CNKSR3: variants seen among roughly 807,000 people sequenced by gnomAD.
CNKSR3 encodes the protein CNKSR family member 3.
In CNKSR3, 36 loss-of-function variants were observed where a neutral mutation model predicts 67.7. That is an observed-to-expected ratio of 0.53 (90% CI 0.41 to 0.70). The LOEUF is 0.70. Ranked by LOEUF, CNKSR3 falls within the 30% of genes least tolerant of loss-of-function variation. The pLI is 0.00. For synonymous variants in CNKSR3, 281 were observed against 271.4 expected (o/e 1.04, Z -0.35); for missense variants, 630 against 695.2 (o/e 0.91, Z 1.05).
At chr6:154,496,839 T>C (rs1207022154) in intron 1 of CNKSR3, among the ~76,000 whole-genome samples, 1 of 152,204 alleles carries the variant, frequency 6.6e-6, no homozygotes, top group Non-Finnish European at 1.5e-5. Flanking sequence ...TAAATGTTTT[T>C]CCCTCATCCT....
At chr6:154,452,260 C>T (rs1236960079) in intron 1 of CNKSR3, among the ~76,000 whole-genome samples, 2 of 152,178 alleles carry the variant, frequency 1.3e-5, no homozygotes, top group South Asian at 2.1e-4. Flanking sequence ...GACACAGCCT[C>T]GCTCTTCTGC....
In CNKSR3 at chr6:154,439,258, G is replaced by C. The variant is rs574793053; in HGVS notation, c.507+2034C>G. Among the ~76,000 whole-genome samples the C allele has an allele frequency of 1.1e-4, 16 of 152,284 alleles. 2 individuals are homozygous for C. Among genetic ancestry groups the C allele is most frequent in the South Asian group, 2.1e-4 (1 of 4,820 alleles). On this transcript the variant is annotated intron_variant, in intron 4 of 12. Transcript: ENST00000607772. The stretch of plus-strand genomic sequence containing the variant: ...AGAGACTGTATGCTCCAGAAGGTCA[G>C]GGACTTTTTATCTGTTTATTCACTC...
chr6:154,482,707 G>A (rs1313502100), intron 1 of CNKSR3, among the ~76,000 whole-genome samples: 1 of 152,172 alleles, frequency 6.6e-6, no homozygotes, highest in Non-Finnish European at 1.5e-5. Flanking sequence ...GAAAGGAGAA[G>A]GGTATAGCAT....
Position 154,393,283 on chromosome 6 carries a change from C to T in CNKSR3, c.*13071G>A, listed in dbSNP as rs950464112. The T allele has an allele frequency of 6.6e-6, 1 of 152,180 alleles. No individual in the cohort carries two copies. The highest frequency in any genetic ancestry group is 6.5e-5 in the Admixed American group (1 of 15,276). The allele number at this position is 152,180 out of a possible 1,614,324, so 9.4% of individuals were successfully genotyped here. On this transcript the variant is annotated 3_prime_UTR_variant, in exon 13 of 13. Coordinates refer to ENST00000607772, the MANE Select transcript of CNKSR3 (RefSeq NM_173515.4). ...TGCTGAGTCATAGGGTATGTGAATA[C>T]TCACTGCTAATTTAACCTCATACAC...
Position 154,446,425 on chromosome 6 carries a change from A to T in CNKSR3, c.216+3670T>A, listed in dbSNP as rs879543838. Among the ~76,000 whole-genome samples, 246 of 152,326 alleles carry T rather than the reference A, an allele frequency of 1.6e-3. 1 individual carries two copies. Among genetic ancestry groups the T allele is most frequent in the Non-Finnish European group, 2.9e-3 (197 of 68,026 alleles). The stretch of plus-strand genomic sequence containing the variant: ...AGACAACCTAAGAAATATAGTTCAC[A>T]ATTTTCCTAAGGCATTTTTAAATAA... On this transcript the variant is annotated intron_variant, in intron 2 of 12. Coordinates refer to ENST00000607772, the MANE Select transcript of CNKSR3 (RefSeq NM_173515.4).
chr6:154,429,372 G>A (rs1032254814), intron 6 of CNKSR3, among the ~76,000 whole-genome samples: 6 of 151,986 alleles, frequency 3.9e-5, no homozygotes. Flanking sequence ...ACTTTCACTC[G>A]CAGATTATAT....
At chr6:154,431,042 T>C (rs113786420) in intron 5 of CNKSR3, among the ~76,000 whole-genome samples, 2,919 of 151,724 alleles carry the variant, frequency 0.019, 85 homozygotes, top group African/African-American at 0.066. Flanking sequence ...AAAAAAAAAA[T>C]TGAACAAAAA....
chr6:154,491,676 G>GA (rs545574005), intron 1 of CNKSR3, among the ~76,000 whole-genome samples: 27 of 145,944 alleles, frequency 1.9e-4, no homozygotes, highest in East Asian at 6.0e-4. Context: ...AAAACAATGT[G>GA]AAAAAAAAAA....
chr6:154,478,022 G>T (rs1227037987), intron 1 of CNKSR3, among the ~76,000 whole-genome samples: 1 of 152,148 alleles, frequency 6.6e-6, no homozygotes, highest in Non-Finnish European at 1.5e-5. Context: ...CACAAACCCA[G>T]AACAGGGCAG....
Position 154,390,771 on chromosome 6 carries a change from T to A in CNKSR3, c.*15583A>T, listed in dbSNP as rs1360527365. 6.6e-6 allele frequency: 1 copy of A among 150,704 alleles called. No homozygotes were observed. The highest frequency in any genetic ancestry group is 2.4e-5 in the African/African-American group (1 of 41,020). 9.3% of individuals were successfully genotyped at this position (150,704 alleles called of 1,614,324 possible). A position where few individuals can be genotyped will look rare whatever the true frequency, so the allele number is the denominator to read the frequency against. On this transcript the variant is annotated 3_prime_UTR_variant, in exon 13 of 13. Transcript: ENST00000607772. ...TCTGCAGGTGGAAGACTGATCAAGG[T>A]GTCAGCAGCACTGGTTTCTTCTGAG...
Position 154,510,289 on chromosome 6 carries a change from G to A in CNKSR3, c.-175C>T. ...GTCGTCCCAGCGCGGCTCCGCCAGGGGAGCCCGGCCCTCTCCCTCCAGCTG... is the reference window on the plus strand; with the variant it reads ...GTCGTCCCAGCGCGGCTCCGCCAGGAGAGCCCGGCCCTCTCCCTCCAGCTG... On this transcript the variant is annotated 5_prime_UTR_variant, in exon 1 of 13. Coordinates refer to ENST00000607772, the MANE Select transcript of CNKSR3 (RefSeq NM_173515.4). 3.1e-6 allele frequency: 2 copies of A among 644,190 alleles called. No individual in the cohort carries two copies. The highest frequency in any genetic ancestry group is 1.9e-5 in the African/African-American group (1 of 53,250). The allele number at this position is 644,190 out of a possible 1,614,324, so 39.9% of individuals were successfully genotyped here.
At position 154,406,731 on chromosome 6, in the gene CNKSR3, A is replaced by G. The variant is rs535428157; in HGVS notation, c.1370-79T>C. Reference sequence around the variant, plus strand: ...ACACCTGTAATCTCCGCACTTTGGGAGGTCGAGGTGGGTGGATCACGAGGT... The same window carrying G: ...ACACCTGTAATCTCCGCACTTTGGGGGGTCGAGGTGGGTGGATCACGAGGT... On this transcript the variant is annotated intron_variant, in intron 12 of 12. Transcript: ENST00000607772. 2.3e-6 allele frequency: 3 copies of G among 1,301,508 alleles called. No homozygotes were observed. The South Asian group carries it at 4.3e-5, about 19-fold the overall frequency. The allele number at this position is 1,301,508 out of a possible 1,614,324, so 80.6% of individuals were successfully genotyped here. A position where few individuals can be genotyped will look rare whatever the true frequency, so the allele number is the denominator to read the frequency against.
At chr6:154,467,798 C>T (rs999703964) in intron 1 of CNKSR3, among the ~76,000 whole-genome samples, 3 of 151,852 alleles carry the variant, frequency 2.0e-5, no homozygotes, top group Admixed American at 6.6e-5. Flanking sequence ...TCGCTCTTGT[C>T]GCCCAGGCTG....
chr6:154,433,301 A>G (rs1241037612), intron 5 of CNKSR3, among the ~76,000 whole-genome samples, 165 bp downstream of exon 5: 1 of 152,250 alleles, frequency 6.6e-6, no homozygotes, highest in African/African-American at 2.4e-5. Context: ...GTCTTGTTAA[A>G]TAACTTTTAT....
At chr6:154,461,551 C>T (rs1415085600) in intron 1 of CNKSR3, among the ~76,000 whole-genome samples, 1 of 152,204 alleles carries the variant, frequency 6.6e-6, no homozygotes, top group East Asian at 1.9e-4. Flanking sequence ...GCTGTGTGAC[C>T]TTGTGCAAAT....
At chr6:154,499,200 A>G (rs942065256) in intron 1 of CNKSR3, among the ~76,000 whole-genome samples, 2 of 152,192 alleles carry the variant, frequency 1.3e-5, no homozygotes, top group East Asian at 3.8e-4. Flanking sequence ...ATCTACTTAA[A>G]TATGTCACCA....
At chr6:154,469,868 C>T (rs1786284836) in intron 1 of CNKSR3, among the ~76,000 whole-genome samples, 1 of 152,114 alleles carries the variant, frequency 6.6e-6, no homozygotes, top group African/African-American at 2.4e-5. Flanking sequence ...TTACAGATAA[C>T]ATAAAGTCTA....
chr6:154,495,155 C>A (rs1227340282), intron 1 of CNKSR3, among the ~76,000 whole-genome samples: 1 of 152,162 alleles, frequency 6.6e-6, no homozygotes, highest in Non-Finnish European at 1.5e-5. Context: ...ATGATATTTG[C>A]ACCTCATTAC....
Position 154,396,767 on chromosome 6 carries a change from A to AG in CNKSR3, c.*9586dup, listed in dbSNP as rs1784664607. On this transcript the variant is annotated 3_prime_UTR_variant, in exon 13 of 13. Coordinates refer to ENST00000607772, the MANE Select transcript of CNKSR3 (RefSeq NM_173515.4). Reference sequence around the variant, plus strand: ...AACTAAGTGCTAAGTAAGGGGTTTAAGGAAAGCATCAGCAAAAATTCACTA... The same window carrying AG: ...AACTAAGTGCTAAGTAAGGGGTTTAAGGGAAAGCATCAGCAAAAATTCACTA... 1 of 152,086 alleles carries AG rather than the reference A, an allele frequency of 6.6e-6. No individual in the cohort carries two copies. Among genetic ancestry groups the AG allele is most frequent in the Non-Finnish European group, 1.5e-5 (1 of 68,022 alleles). 9.4% of individuals were successfully genotyped at this position (152,086 alleles called of 1,614,324 possible). A position where few individuals can be genotyped will look rare whatever the true frequency, so the allele number is the denominator to read the frequency against.
Sources: allele counts gnomAD v4.1 joint callset (sites outside exome capture counted in the v4.1 genomes callset), GRCh38; gene constraint gnomAD v4.1.1; transcripts MANE v1.5; gene names NCBI Gene and HGNC (gene_info 2026-07-23, HGNC 2026-07-21).